CENPP: variants seen among roughly 807,000 people sequenced by gnomAD.
CENPP encodes the protein centromere protein P.
A neutral mutation model predicts 35.6 loss-of-function variants in CENPP; 24 were observed. That is an observed-to-expected ratio of 0.67 (90% CI 0.49 to 0.95). The LOEUF (loss-of-function observed/expected upper bound fraction) is 0.95, where lower values mean the gene tolerates loss of function less well. CENPP is among the 40% of genes least tolerant of loss of function. The probability of loss-of-function intolerance (pLI) is 0.00; values close to 1 mark genes in which losing one functional copy is unlikely to be tolerated. For synonymous variants in CENPP, 120 were observed against 125.5 expected, an observed-to-expected ratio of 0.96 and a Z score of 0.29; for missense variants, 332 against 345.3, an observed-to-expected ratio of 0.96 and a Z score of 0.31.
intron 5 of CENPP, chr9:92,415,442 G>C: frequency 6.2e-7 from 1 of 1,611,314 alleles, no homozygotes. Flanking sequence ...TAATGTAGTG[G>C]GTCAATAGAA....
intron 5 of CENPP, among the ~76,000 whole-genome samples, chr9:92,454,733 C>G (rs1379722905): frequency 6.6e-6 from 1 of 152,072 alleles, no homozygotes; most frequent in African/African-American, 2.4e-5. Flanking sequence ...TGTTGTCACC[C>G]CTACCCTTTA....
intron 5 of CENPP, among the ~76,000 whole-genome samples, chr9:92,473,957 G>A (rs1845617139): frequency 6.6e-6 from 1 of 152,212 alleles, no homozygotes; most frequent in Non-Finnish European, 1.5e-5. Context: ...CCTCCACAGT[G>A]GGGCCAGTCT....
At chr9:92,340,262 A>G (rs1480381894) in intron 3 of CENPP, 1 of 152,206 alleles carries the variant, frequency 6.6e-6, no homozygotes, top group East Asian at 1.9e-4. Context: ...TTATCCTCTG[A>G]CATTGAGGTG....
intron 4 of CENPP, among the ~76,000 whole-genome samples, chr9:92,352,467 C>CTGTGTGTG (rs61233585): frequency 0.075 from 5,307 of 70,922 alleles, 337 homozygotes; most frequent in Middle Eastern, 0.17. Flanking sequence ...TGCTTAAAGC[C>CTGTGTGTG]TGTGTGTGTG....
At chr9:92,483,681 A>G (rs1260303100) in intron 5 of CENPP, among the ~76,000 whole-genome samples, 1 of 152,240 alleles carries the variant, frequency 6.6e-6, no homozygotes, top group Non-Finnish European at 1.5e-5. Context: ...GAGTCTGACC[A>G]TCGTTTGTTC....
At chr9:92,402,489 G>C (rs550949455) in intron 5 of CENPP, among the ~76,000 whole-genome samples, 1 of 152,112 alleles carries the variant, frequency 6.6e-6, no homozygotes, top group African/African-American at 2.4e-5. Flanking sequence ...CATACATAGT[G>C]GGCAACAGAT....
chr9:92,419,521 G>A (rs1375592601), intron 5 of CENPP, among the ~76,000 whole-genome samples: 3 of 152,010 alleles, frequency 2.0e-5, no homozygotes, highest in Non-Finnish European at 4.4e-5. Flanking sequence ...GGCTGCTCTC[G>A]AACTCCTGAC....
chr9:92,584,249 CTT>C (rs1050008473), intron 5 of CENPP, among the ~76,000 whole-genome samples: 8 of 152,240 alleles, frequency 5.3e-5, no homozygotes, highest in Admixed American at 2.0e-4. Context: ...CCCATTTACT[CTT>C]TGCTTCCCAA....
rs1851292974 is a variant in CENPP, at chr9:92,612,528, A to T, written c.650A>T (p.Glu217Val). ...ATGTTTTACTGCTTTTTCAGGTTTG[A>T]ATTAGTCATTGTTTGGAGGATACAA... ...GIRSASRPGF[E>V]LVIVWRIQID... is the part of the protein sequence containing the mutation. The change falls in exon 7 of 8, where the codon GAA (glutamate) becomes GTA (valine). Residue 217 changes from glutamate to valine, a missense_variant. Coordinates refer to ENST00000375587, the MANE Select transcript of CENPP (RefSeq NM_001012267.3). The T allele has an allele frequency of 6.2e-7, 1 of 1,612,644 alleles. No individual in the cohort carries two copies. The highest frequency in any genetic ancestry group is 2.2e-5 in the East Asian group (1 of 44,886).
At chr9:92,406,994 A>T (rs537073742) in intron 5 of CENPP, among the ~76,000 whole-genome samples, 56 of 152,154 alleles carry the variant, frequency 3.7e-4, no homozygotes, top group Non-Finnish European at 5.1e-4. Context: ...TATACTCATG[A>T]TTATGGTTTA....
chr9:92,433,334 A>T (rs1193525663), intron 5 of CENPP, among the ~76,000 whole-genome samples: 1 of 152,162 alleles, frequency 6.6e-6, no homozygotes, highest in Non-Finnish European at 1.5e-5. Flanking sequence ...TTTGGAGGAG[A>T]CAAACATTAA....
At chr9:92,525,531 C>T (rs1326068240) in intron 5 of CENPP, among the ~76,000 whole-genome samples, 3 of 152,076 alleles carry the variant, frequency 2.0e-5, no homozygotes, top group East Asian at 3.9e-4. Context: ...CATAGCATAA[C>T]GCATTACTCA....
intron 5 of CENPP, among the ~76,000 whole-genome samples, chr9:92,584,153 A>C (rs149631052): frequency 3.3e-5 from 5 of 152,306 alleles, no homozygotes; most frequent in African/African-American, 1.2e-4. Flanking sequence ...ATGAGGTACC[A>C]TTCAAATGAC....
chr9:92,389,335 A>G (rs1842572737), intron 5 of CENPP, among the ~76,000 whole-genome samples: 1 of 152,218 alleles, frequency 6.6e-6, no homozygotes, highest in Non-Finnish European at 1.5e-5. Context: ...AATGTATTTA[A>G]TTCTTACTAC....
intron 5 of CENPP, among the ~76,000 whole-genome samples, chr9:92,564,042 G>A (rs911325560): frequency 6.6e-6 from 1 of 152,146 alleles, no homozygotes; most frequent in African/African-American, 2.4e-5. Context: ...TGATTGTAAT[G>A]TGGTGTATGA....
chr9:92,330,979 T>C (rs919897303), intron 1 of CENPP, among the ~76,000 whole-genome samples: 1 of 151,566 alleles, frequency 6.6e-6, no homozygotes, highest in African/African-American at 2.4e-5. Context: ...CGTGAGCCAC[T>C]GCGCCAGGCC....
Position 92,616,034 on chromosome 9 carries a change from G to A in CENPP, c.*2885G>A, listed in dbSNP as rs1384207152. The A allele has an allele frequency of 2.5e-6, 4 of 1,613,888 alleles. No homozygotes were observed. Among genetic ancestry groups the A allele is most frequent in the Non-Finnish European group, 3.4e-6 (4 of 1,179,926 alleles). ...AAAGGCAAACCTGGACCTCGATGAAGGGACGACAGGCCTTTGATCAGAGCT... is the reference window on the plus strand; with the variant it reads ...AAAGGCAAACCTGGACCTCGATGAAAGGACGACAGGCCTTTGATCAGAGCT... On this transcript the variant is annotated 3_prime_UTR_variant, in exon 8 of 8. Coordinates refer to ENST00000375587, the MANE Select transcript of CENPP (RefSeq NM_001012267.3).
rs553275436 is a variant in CENPP at position 92,358,658 on chromosome 9, A to G, written c.467+12871A>G. ...GGTGATTTTTCTTTCTGCCTACTCAAATCTGCCTTTGAATTCCTGTAGTGA... is the reference window on the plus strand; with the variant it reads ...GGTGATTTTTCTTTCTGCCTACTCAGATCTGCCTTTGAATTCCTGTAGTGA... On this transcript the variant is annotated intron_variant, in intron 4 of 7. Coordinates refer to ENST00000375587, the MANE Select transcript of CENPP (RefSeq NM_001012267.3). 7.9e-5 allele frequency among the ~76,000 whole-genome samples: 12 copies of G among 152,120 alleles called. No homozygotes were observed. In the South Asian group the frequency reaches 2.3e-3, roughly 29 times the overall value.
chr9:92,587,621 A>G (rs866912400), intron 5 of CENPP, among the ~76,000 whole-genome samples: 15 of 152,368 alleles, frequency 9.8e-5, no homozygotes, highest in Middle Eastern at 6.8e-3. Flanking sequence ...GATTCCATTT[A>G]TACGAAGTAT....
Sources: gnomAD v4.1 joint callset for allele counts (sites outside exome capture counted in the v4.1 genomes callset) on GRCh38, gnomAD v4.1.1 for gene constraint, MANE v1.5 for transcripts, NCBI Gene and HGNC (gene_info 2026-07-23, HGNC 2026-07-21) for gene names.